Variants in RALGDS observed in about 807,000 individuals in gnomAD.
The protein encoded by RALGDS is ral guanine nucleotide dissociation stimulator.
A neutral mutation model predicts 99.8 loss-of-function variants in RALGDS; 44 were observed. The ratio of observed to expected loss-of-function variants is 0.44; its 90% confidence interval spans 0.35 to 0.57. The LOEUF is 0.57. Among genes scored for constraint, RALGDS ranks in the 20% least tolerant of loss-of-function variants. RALGDS has a pLI of 0.01. For synonymous variants in RALGDS, 529 were observed against 505.0 expected (o/e 1.05, Z -0.64); for missense variants, 1,022 against 1,203.1 (o/e 0.85, Z 2.23).
intron 12 of RALGDS, 109 bp downstream of exon 12, chr9:133,103,121 A>T: frequency 6.7e-7 from 1 of 1,485,870 alleles, no homozygotes; most frequent in Middle Eastern, 1.9e-4. Context: ...TCTGTGTCCA[A>T]ATGTCCCATG....
chr9:133,106,601 G>A (rs1356707407), intron 8 of RALGDS, 44 bp downstream of exon 8: 1 of 1,432,878 alleles, frequency 7.0e-7, no homozygotes, highest in Non-Finnish European at 9.7e-7. Flanking sequence ...CAGCCCTGTG[G>A]GAGGTCCCTG....
At position 133,103,276 on chromosome 9, in the gene RALGDS, A is replaced by G. The variant is rs1830848474; in HGVS notation, c.1759-14T>C. 6.2e-7 allele frequency: 1 copy of G among 1,613,784 alleles called. No homozygotes were observed. Among genetic ancestry groups the G allele is most frequent in the Admixed American group, 1.7e-5 (1 of 60,002 alleles). On this transcript the variant is annotated splice_polypyrimidine_tract_variant and intron_variant, in intron 11 of 17. Coordinates refer to ENST00000372050, the MANE Select transcript of RALGDS (RefSeq NM_006266.4). ...GATGAGTCTGCCCTGGAAGGTGGAC[A>G]CCCAATGGCCGTCAGAAAGTGACCC...
chr9:133,103,085 C>T lies in RALGDS; in HGVS notation c.1791+145G>A, dbSNP rs1242388689. 5.1e-6 allele frequency: 7 copies of T among 1,363,464 alleles called. No individual in the cohort carries two copies. Among genetic ancestry groups the T allele is most frequent in the Non-Finnish European group, 7.2e-6 (7 of 976,186 alleles). 84.5% of individuals were successfully genotyped at this position (1,363,464 alleles called of 1,614,324 possible). A position where few individuals can be genotyped will look rare whatever the true frequency, so the allele number is the denominator to read the frequency against. ...TGGATTATAACCTCCTACCCTCACCCTCCAGTGGGAGGGGACCCCCTTCTC... is the reference window on the plus strand; with the variant it reads ...TGGATTATAACCTCCTACCCTCACCTTCCAGTGGGAGGGGACCCCCTTCTC... On this transcript the variant is annotated intron_variant, in intron 12 of 17. Coordinates refer to ENST00000372050, the MANE Select transcript of RALGDS (RefSeq NM_006266.4).
At position 133,121,030 on chromosome 9, in the gene RALGDS, CT is replaced by C; in HGVS notation, c.124del (p.Ser42AlafsTer12). 1 of 1,495,798 alleles carries C rather than the reference CT, an allele frequency of 6.7e-7. No individual in the cohort carries two copies. The highest frequency in any genetic ancestry group is 8.9e-7 in the Non-Finnish European group (1 of 1,129,044). The allele number at this position is 1,495,798 out of a possible 1,614,324, so 92.7% of individuals were successfully genotyped here. On this transcript the variant is annotated frameshift_variant, in exon 1 of 18. Transcript: ENST00000372050. LOFTEE classifies it high-confidence loss of function. Reference protein sequence around the residue: ...AVRLEVGVPDSCPVVLHSFTQ... With the variant: ...AVRLEVGVPDXCPVVLHSFTQ... The stretch of plus-strand genomic sequence containing the variant: ...GAAGCTGTGCAGCACCACCGGGCAG[CT>C]GTCGGGGACGCCCACCTCCAGGCGC...
In RALGDS at chr9:133,100,784, T is replaced by G. The variant is rs907479516; in HGVS notation, c.2455-402A>C. The G allele has an allele frequency of 2.6e-6, 3 of 1,149,446 alleles. No homozygotes were observed. The African/African-American group carries it at 4.8e-5, about 18-fold the overall frequency. 71.2% of individuals were successfully genotyped at this position (1,149,446 alleles called of 1,614,324 possible). ...GAGGGGCCGGCCAGGATGCTCAGTG[T>G]GGTCAGCATAGGCCAGGCCCCTGCT... On this transcript the variant is annotated intron_variant, in intron 16 of 17. Transcript: ENST00000372050.
At chr9:133,104,033 C>T (rs1242295949) in intron 10 of RALGDS, among the ~76,000 whole-genome samples, 200 bp from the exon 11 acceptor site, 1 of 152,110 alleles carries the variant, frequency 6.6e-6, no homozygotes, top group Admixed American at 6.5e-5. Context: ...AGTCGTGTGG[C>T]CCCTGGCCCT....
chr9:133,134,463 C>T (rs776121798), upstream of RALGDS, among the ~76,000 whole-genome samples: 1 of 152,220 alleles, frequency 6.6e-6, no homozygotes, highest in Non-Finnish European at 1.5e-5. Context: ...CAGTCATCAT[C>T]TCTGTTGTAA....
chr9:133,147,606 G>A (rs1832644634), intron 1 of RALGDS, among the ~76,000 whole-genome samples: 1 of 152,192 alleles, frequency 6.6e-6, no homozygotes, highest in East Asian at 1.9e-4. Context: ...ATTGGGTAGA[G>A]GCCGGGGTCC....
chr9:133,146,777 G>A (rs1033672705), intron 1 of RALGDS, among the ~76,000 whole-genome samples: 3 of 152,222 alleles, frequency 2.0e-5, no homozygotes, highest in African/African-American at 7.2e-5. Context: ...GAGTTCTGAT[G>A]CCGTGAGCTG....
chr9:133,101,810 C>G, intron 15 of RALGDS, 48 bp from the exon 16 acceptor site: 1 of 1,563,290 alleles, frequency 6.4e-7, no homozygotes, highest in Non-Finnish European at 8.7e-7. Flanking sequence ...TGTGGGGGCA[C>G]CCCAGGCCAG....
At chr9:133,114,904 G>A (rs1030349704) in intron 1 of RALGDS, among the ~76,000 whole-genome samples, 1 of 152,180 alleles carries the variant, frequency 6.6e-6, no homozygotes, top group African/African-American at 2.4e-5. Context: ...TGGGGTCCCC[G>A]GTGAGCAGGG....
intron 15 of RALGDS, 45 bp downstream of exon 15, chr9:133,101,893 G>GTGGGGAGATGGGAAAGGATAT: frequency 1.3e-6 from 2 of 1,550,990 alleles, no homozygotes; most frequent in Non-Finnish European, 1.7e-6. Context: ...TGGATTTGGA[G>GTGGGGAGATGGGAAAGGATAT]TGGGGAGATG....
Position 133,111,760 on chromosome 9 carries a change from C to T in RALGDS, c.294+282G>A, listed in dbSNP as rs1208648880. Among the ~76,000 whole-genome samples, 6 of 152,308 alleles carry T rather than the reference C, an allele frequency of 3.9e-5. No homozygotes were observed. In the South Asian group the frequency reaches 1.0e-3, roughly 26 times the overall value. ...CTGGGAGATGGCAACTTGCAGAGAC[C>T]TAACAGCCTGAAGCCCTTTTGTCCT... On this transcript the variant is annotated intron_variant, in intron 2 of 17. Coordinates refer to ENST00000372050, the MANE Select transcript of RALGDS (RefSeq NM_006266.4).
chr9:133,106,043 GAA>G (rs780790275), intron 8 of RALGDS, 27 bp from the exon 9 acceptor site: 9 of 1,574,730 alleles, frequency 5.7e-6, no homozygotes, highest in Non-Finnish European at 7.8e-6. Flanking sequence ...GAAGGAAAGA[GAA>G]AGCTGGGAAT....
intron 5 of RALGDS, 56 bp from the exon 6 acceptor site, chr9:133,108,462 A>G: frequency 6.7e-7 from 1 of 1,492,950 alleles, no homozygotes; most frequent in Non-Finnish European, 9.0e-7. Flanking sequence ...CTTTCCAAAG[A>G]CACAGAACAG....
chr9:133,100,662 C>A (rs1228149545), intron 16 of RALGDS: 13 of 1,323,444 alleles, frequency 9.8e-6, no homozygotes, highest in Non-Finnish European at 1.2e-5. Flanking sequence ...TTCCCTCCTC[C>A]CACACTTCCT....
In RALGDS at chr9:133,144,581, A is replaced by G. The variant is rs1832593142; in HGVS notation, c.18+4382T>C. ...GCTCCGCGCCGGGCTGGGCGGCCGC[A>G]CGGGAGGGCACAGCGCCACCTGCTG... On this transcript the variant is annotated intron_variant, in intron 1 of 17. Transcript: ENST00000393160. This position sits in a 1 kb window ranked among gnomAD's most constrained non-coding sequence, Gnocchi z 4.5. 6.6e-6 allele frequency among the ~76,000 whole-genome samples: 1 copy of G among 152,178 alleles called. No individual in the cohort carries two copies. The highest frequency in any genetic ancestry group is 1.5e-5 in the Non-Finnish European group (1 of 68,034).
intron 16 of RALGDS, 81 bp downstream of exon 16, chr9:133,101,439 G>A (rs641999): frequency 0.031 from 48,917 of 1,601,832 alleles, 910 homozygotes; most frequent in Non-Finnish European, 0.037. Flanking sequence ...TAGACCCCGG[G>A]AGGGCAGGGA....
chr9:133,103,892 C>G, intron 10 of RALGDS, 59 bp from the exon 11 acceptor site: 1 of 1,518,648 alleles, frequency 6.6e-7, no homozygotes. Flanking sequence ...TTCTCAGCCC[C>G]CAGCCCCAAC....
Sources: gnomAD v4.1 joint callset for allele counts (sites outside exome capture counted in the v4.1 genomes callset) on GRCh38, gnomAD v4.1.1 for gene constraint, Gnocchi (gnomAD v3.1) non-coding constraint, MANE v1.5 for transcripts, NCBI Gene and HGNC (gene_info 2026-07-23, HGNC 2026-07-21) for gene names.